The following FOXO1 variants were observed in gnomAD, a reference collection of about 807,000 sequenced individuals.
FOXO1 encodes the protein forkhead box protein O1.
FOXO1 carries 6 observed loss-of-function variants against 44.1 expected under a neutral mutation model. That is an observed-to-expected ratio of 0.14 (90% CI 0.07 to 0.27). The LOEUF (loss-of-function observed/expected upper bound fraction) is 0.27. FOXO1 is among the 10% of genes least tolerant of loss of function. The pLI is 1.00. For synonymous variants in FOXO1, 380 were observed against 362.7 expected, an observed-to-expected ratio of 1.05 and a Z score of -0.54; for missense variants, 737 against 888.8, an observed-to-expected ratio of 0.83 and a Z score of 2.17.
intron 1 of FOXO1, among the ~76,000 whole-genome samples, chr13:40,646,577 A>G (rs571780454): frequency 8.0e-4 from 122 of 152,256 alleles, no homozygotes; most frequent in Non-Finnish European, 1.4e-3. Flanking sequence ...TTTGAACTTC[A>G]TAACAATTCA....
At chr13:40,642,159 C>T (rs1417792519) in intron 1 of FOXO1, among the ~76,000 whole-genome samples, 1 of 152,180 alleles carries the variant, frequency 6.6e-6, no homozygotes, top group Non-Finnish European at 1.5e-5. Context: ...ATAGCAGTGC[C>T]TGCCACAGTA....
At chr13:40,639,938 T>C (rs987844687) in intron 1 of FOXO1, among the ~76,000 whole-genome samples, 1 of 152,216 alleles carries the variant, frequency 6.6e-6, no homozygotes, top group African/African-American at 2.4e-5. Context: ...ACGACAATCT[T>C]AGCAAGTGCT....
intron 1 of FOXO1, among the ~76,000 whole-genome samples, chr13:40,657,725 T>C (rs1877902430): frequency 2.0e-5 from 3 of 152,226 alleles, no homozygotes; most frequent in Non-Finnish European, 4.4e-5. Context: ...ATATCATAGT[T>C]ACTTACACAT....
chr13:40,577,363 T>C (rs1291033630), intron 1 of FOXO1, among the ~76,000 whole-genome samples: 2 of 152,342 alleles, frequency 1.3e-5, no homozygotes, highest in Non-Finnish European at 1.5e-5. Flanking sequence ...CCAGATGCCC[T>C]GACCTCTAAC....
intron 1 of FOXO1, among the ~76,000 whole-genome samples, chr13:40,575,361 C>CTGATTCTCA (rs1874704834): frequency 6.6e-6 from 1 of 152,090 alleles, no homozygotes; most frequent in South Asian, 2.1e-4. Context: ...AGAATCAGGA[C>CTGATTCTCA]TGGAACTGAA....
chr13:40,589,002 G>A (rs1875274826), intron 1 of FOXO1, among the ~76,000 whole-genome samples: 1 of 152,130 alleles, frequency 6.6e-6, no homozygotes, highest in South Asian at 2.1e-4. Context: ...CTACTTTGGA[G>A]GCTGAGGCAC....
chr13:40,588,063 G>A (rs1875237174), intron 1 of FOXO1, among the ~76,000 whole-genome samples: 1 of 152,162 alleles, frequency 6.6e-6, no homozygotes, highest in African/African-American at 2.4e-5. Flanking sequence ...TATGGTGCGG[G>A]AGGAAGCCCA....
At chr13:40,664,626 TC>T (rs1194679769) in intron 1 of FOXO1, among the ~76,000 whole-genome samples, 1 of 151,998 alleles carries the variant, frequency 6.6e-6, no homozygotes, top group Non-Finnish European at 1.5e-5. Flanking sequence ...AGGAAAAGAC[TC>T]ACACATCCCA....
chr13:40,632,227 C>T (rs1006417582), intron 1 of FOXO1, among the ~76,000 whole-genome samples: 2 of 152,122 alleles, frequency 1.3e-5, no homozygotes, highest in East Asian at 1.9e-4. Context: ...GCCAGTATCA[C>T]GCCACTGCAC....
At chr13:40,584,469 CAAA>C (rs55733141) in intron 1 of FOXO1, among the ~76,000 whole-genome samples, 169 of 62,998 alleles carry the variant, frequency 2.7e-3, no homozygotes, top group East Asian at 0.022. Flanking sequence ...ACAAAAAATG[CAAA>C]AAAAAAAAAA....
intron 1 of FOXO1, among the ~76,000 whole-genome samples, chr13:40,564,360 C>T (rs1353471087): frequency 1.3e-5 from 2 of 151,748 alleles, no homozygotes; most frequent in African/African-American, 2.4e-5. Flanking sequence ...CATTTCAGGT[C>T]GCTCTTTGAG....
chr13:40,627,510 G>C (rs1260231154), intron 1 of FOXO1, among the ~76,000 whole-genome samples: 3 of 152,092 alleles, frequency 2.0e-5, no homozygotes, highest in Non-Finnish European at 2.9e-5. Context: ...GACAAAACTG[G>C]AACATGAAAT....
rs541965979 is a variant in FOXO1, at chr13:40,558,924, T to C, written c.*125A>G. ...AAAGGAAAAAAGGAGGGTTTTTTTTTTTGTTTTTTTTTTTAACCAAGAAAA... is the reference window on the plus strand; with the variant it reads ...AAAGGAAAAAAGGAGGGTTTTTTTTCTTGTTTTTTTTTTTAACCAAGAAAA... On this transcript the variant is annotated 3_prime_UTR_variant, in exon 3 of 3. Coordinates refer to ENST00000379561, the MANE Select transcript of FOXO1 (RefSeq NM_002015.4). The C allele has an allele frequency of 5.5e-6, 2 of 364,338 alleles. No individual in the cohort carries two copies. The highest frequency in any genetic ancestry group is 8.0e-5 in the East Asian group (2 of 25,150). 22.6% of individuals were successfully genotyped at this position (364,338 alleles called of 1,614,324 possible).
At chr13:40,567,004 G>A (rs1319893324) in intron 1 of FOXO1, among the ~76,000 whole-genome samples, 1 of 152,120 alleles carries the variant, frequency 6.6e-6, no homozygotes, top group Admixed American at 6.5e-5. Context: ...TAAGAGCTGA[G>A]CCTGGCTGCC....
Position 40,556,697 on chromosome 13 carries a change from G to A in FOXO1, c.*2352C>T, listed in dbSNP as rs1265255526. 1.3e-5 allele frequency: 2 copies of A among 152,168 alleles called. No individual in the cohort carries two copies. The highest frequency in any genetic ancestry group is 1.3e-4 in the Admixed American group (2 of 15,256). 9.4% of individuals were successfully genotyped at this position (152,168 alleles called of 1,614,324 possible). A position where few individuals can be genotyped will look rare whatever the true frequency, so the allele number is the denominator to read the frequency against. ...GGATTTCAACACACAATGGGGGCTTGGGAGAGGTATAATTACCCAGACTCA... is the reference window on the plus strand; with the variant it reads ...GGATTTCAACACACAATGGGGGCTTAGGAGAGGTATAATTACCCAGACTCA... On this transcript the variant is annotated 3_prime_UTR_variant, in exon 3 of 3. Coordinates refer to ENST00000379561, the MANE Select transcript of FOXO1 (RefSeq NM_002015.4).
intron 1 of FOXO1, among the ~76,000 whole-genome samples, chr13:40,583,916 C>T (rs1875049073): frequency 1.3e-5 from 2 of 152,198 alleles, no homozygotes; most frequent in South Asian, 2.1e-4. Context: ...TTATACATGC[C>T]TTCCTCACTA....
intron 1 of FOXO1, among the ~76,000 whole-genome samples, chr13:40,564,994 A>AGTCGGGGAACCCCGAC (rs1566062532): frequency 6.6e-6 from 1 of 152,092 alleles, no homozygotes; most frequent in Admixed American, 6.5e-5. Flanking sequence ...GACATGGTGT[A>AGTCGGGGAACCCCGAC]CTTGCTTGTT....
intron 1 of FOXO1, among the ~76,000 whole-genome samples, chr13:40,570,474 G>A (rs971965853): frequency 2.6e-5 from 4 of 152,154 alleles, no homozygotes; most frequent in Non-Finnish European, 4.4e-5. Context: ...CCACAAGACC[G>A]GGGGCAGAAA....
intron 1 of FOXO1, chr13:40,618,693 T>C: frequency 2.4e-6 from 1 of 410,834 alleles, no homozygotes. Context: ...ATGGCATATG[T>C]TAAAAGCATA....
Sources: allele counts gnomAD v4.1 joint callset (sites outside exome capture counted in the v4.1 genomes callset), GRCh38; gene constraint gnomAD v4.1.1; transcripts MANE v1.5; gene names NCBI Gene and HGNC (gene_info 2026-07-23, HGNC 2026-07-21).